Variants in UNC13C observed in about 807,000 individuals in gnomAD.
UNC13C encodes the protein unc-13 homolog C.
A neutral mutation model predicts 245.4 loss-of-function variants in UNC13C; 174 were observed. The observed-to-expected ratio is 0.71, with a 90% confidence interval of 0.63 to 0.80. UNC13C has a LOEUF of 0.80. Ranked by LOEUF, UNC13C falls within the 30% of genes least tolerant of loss-of-function variation. UNC13C has a pLI of 0.00. For synonymous variants in UNC13C, 992 were observed against 895.1 expected, an observed-to-expected ratio of 1.11 and a Z score of -1.93; for missense variants, 2,829 against 2,602.9, an observed-to-expected ratio of 1.09 and a Z score of -1.89.
chr15:54,469,571 T>C (rs1485262905), intron 19 of UNC13C, among the ~76,000 whole-genome samples: 1 of 151,580 alleles, frequency 6.6e-6, no homozygotes, highest in Admixed American at 6.6e-5. Flanking sequence ...AATTAATGCA[T>C]ATCCTTTCAT....
At chr15:54,045,021 AG>A (rs1291661146) in intron 2 of UNC13C, among the ~76,000 whole-genome samples, 23 of 151,998 alleles carry the variant, frequency 1.5e-4, no homozygotes, top group Non-Finnish European at 2.6e-4. Context: ...TCAATCTGTG[AG>A]TTGTCTTTTC....
At chr15:54,210,320 C>T (rs993454813) in intron 4 of UNC13C, among the ~76,000 whole-genome samples, 4 of 151,094 alleles carry the variant, frequency 2.6e-5, no homozygotes, top group African/African-American at 9.7e-5. Context: ...TATTAGCTCT[C>T]TAAATCAGTT....
At chr15:54,420,955 G>A (rs1183138868) in intron 19 of UNC13C, among the ~76,000 whole-genome samples, 1 of 151,988 alleles carries the variant, frequency 6.6e-6, no homozygotes, top group Non-Finnish European at 1.5e-5. Flanking sequence ...TTTCAACACT[G>A]ATTATACATT....
intron 7 of UNC13C, among the ~76,000 whole-genome samples, chr15:54,242,108 A>G (rs1044992229): frequency 5.9e-5 from 9 of 152,162 alleles, no homozygotes; most frequent in African/African-American, 1.7e-4. Flanking sequence ...GGTAAAAATG[A>G]CTATGTTTTT....
At chr15:54,524,121 G>T (rs1392489438) in intron 24 of UNC13C, among the ~76,000 whole-genome samples, 1 of 152,100 alleles carries the variant, frequency 6.6e-6, no homozygotes, top group Non-Finnish European at 1.5e-5. Context: ...CTATCTAATT[G>T]TCTTTCTGAA....
chr15:54,075,294 G>A (rs1218352823), intron 2 of UNC13C, among the ~76,000 whole-genome samples: 1 of 151,974 alleles, frequency 6.6e-6, no homozygotes. Context: ...GACCACCCTG[G>A]CTAACACGGC....
At chr15:53,930,606 T>C in the UNC13C span, among the ~76,000 whole-genome samples, 79 of 152,326 alleles carry the variant, frequency 5.2e-4, 1 homozygote, top group South Asian at 0.014. Flanking sequence ...AAACACCCTA[T>C]TGGTCTGTCT....
At chr15:53,939,640 C>G in the UNC13C span, among the ~76,000 whole-genome samples, 1 of 152,156 alleles carries the variant, frequency 6.6e-6, no homozygotes, top group Non-Finnish European at 1.5e-5. Flanking sequence ...TTATCCACCA[C>G]AATCAAGTTG....
chr15:54,211,810 C>T (rs915749765), intron 4 of UNC13C, among the ~76,000 whole-genome samples: 15 of 152,110 alleles, frequency 9.9e-5, no homozygotes, highest in Admixed American at 9.8e-4. Context: ...GCTTGTATGA[C>T]AACTCTCAAC....
intron 19 of UNC13C, among the ~76,000 whole-genome samples, chr15:54,456,862 C>T (rs988401449): frequency 6.6e-6 from 1 of 151,876 alleles, no homozygotes; most frequent in Non-Finnish European, 1.5e-5. Context: ...GATTCGGATG[C>T]CCTTCATTAC....
intron 10 of UNC13C, among the ~76,000 whole-genome samples, chr15:54,268,425 G>T (rs749743951): frequency 2.0e-5 from 3 of 151,988 alleles, no homozygotes; most frequent in Non-Finnish European, 4.4e-5. Flanking sequence ...GGTCACTTTT[G>T]ATTGATGGAT....
At chr15:53,902,764 A>T in the UNC13C span, among the ~76,000 whole-genome samples, 1 of 152,182 alleles carries the variant, frequency 6.6e-6, no homozygotes, top group East Asian at 1.9e-4. Context: ...CAGAAGGTTT[A>T]GGGGGCTCAA....
chr15:54,126,965 C>T (rs1157949243), intron 2 of UNC13C, among the ~76,000 whole-genome samples: 2 of 152,194 alleles, frequency 1.3e-5, no homozygotes, highest in Non-Finnish European at 2.9e-5. Flanking sequence ...AGCTCATAAT[C>T]ACTAGTCATT....
At chr15:54,369,196 C>CCG (rs1567220232) in intron 17 of UNC13C, among the ~76,000 whole-genome samples, 1 of 136,550 alleles carries the variant, frequency 7.3e-6, no homozygotes, top group African/African-American at 2.9e-5. Flanking sequence ...TAACCTCCCC[C>CCG]CCCCAAAAAA....
chr15:54,015,152 A>T lies in UNC13C; in HGVS notation c.2249A>T (p.Tyr750Phe). 6.2e-7 allele frequency: 1 copy of T among 1,612,390 alleles called. No individual in the cohort carries two copies. The highest frequency in any genetic ancestry group is 8.5e-7 in the Non-Finnish European group (1 of 1,179,240). ...SYQGANSNEL[Y>F]QNQNQLSMMY... is the part of the protein sequence containing the mutation. ...CAGGGAGCTAATTCTAATGAGCTATACCAAAATCAAAACCAGTTGTCCATG... is the reference window on the plus strand; with the variant it reads ...CAGGGAGCTAATTCTAATGAGCTATTCCAAAATCAAAACCAGTTGTCCATG... The change falls in exon 2 of 33, where the codon TAC becomes TTC. Residue 750 changes from tyrosine to phenylalanine, a missense_variant. Tyr to Phe is a conservative substitution (Grantham distance 22). Transcript: ENST00000260323.
intron 4 of UNC13C, among the ~76,000 whole-genome samples, chr15:54,167,352 A>G (rs565684477): frequency 6.6e-6 from 1 of 151,578 alleles, no homozygotes. Flanking sequence ...AATACAAAAA[A>G]TTAGCCGGGC....
At chr15:53,887,140 T>G in the UNC13C span, among the ~76,000 whole-genome samples, 31 of 152,174 alleles carry the variant, frequency 2.0e-4, no homozygotes, top group Non-Finnish European at 4.3e-4. Context: ...TTATAACAAA[T>G]GTGCCATACT....
At chr15:54,288,653 T>A (rs905378373) in intron 10 of UNC13C, among the ~76,000 whole-genome samples, 4 of 150,176 alleles carry the variant, frequency 2.7e-5, no homozygotes, top group African/African-American at 9.8e-5. Flanking sequence ...AGGAGAGGAG[T>A]GGTTTGAAAG....
At chr15:54,411,549 T>G (rs2040416222) in intron 18 of UNC13C, among the ~76,000 whole-genome samples, 1 of 152,154 alleles carries the variant, frequency 6.6e-6, no homozygotes. Context: ...ATTTTTTTCT[T>G]TTTTGCATGT....
Sources: allele counts gnomAD v4.1 joint callset (sites outside exome capture counted in the v4.1 genomes callset), GRCh38; gene constraint gnomAD v4.1.1; transcripts MANE v1.5; gene names NCBI Gene and HGNC (gene_info 2026-07-23, HGNC 2026-07-21).